SPRING1: variants seen among roughly 807,000 people sequenced by gnomAD.
The protein encoded by SPRING1 is SREBF pathway regulator in golgi 1, also known as SREBP regulating gene protein.
Under a neutral mutation model 24.7 loss-of-function variants are expected in SPRING1, and 14 were observed. The observed-to-expected ratio is 0.57, with a 90% confidence interval of 0.37 to 0.88. The LOEUF (loss-of-function observed/expected upper bound fraction) is 0.88, where lower values mean the gene tolerates loss of function less well. SPRING1 is among the 40% of genes least tolerant of loss of function. The pLI, the probability that SPRING1 is intolerant of heterozygous loss-of-function variation, is 0.00. For synonymous variants in SPRING1, 93 were observed against 106.1 expected (o/e 0.88, Z 0.76); for missense variants, 255 against 268.4 (o/e 0.95, Z 0.35).
rs895628668 is a variant in SPRING1, at chr12:116,737,941, G to C, written c.-41C>G. The C allele has an allele frequency of 5.8e-6, 8 of 1,384,314 alleles. No individual in the cohort carries two copies. Among genetic ancestry groups the C allele is most frequent in the Non-Finnish European group, 7.5e-6 (8 of 1,067,678 alleles). 85.8% of individuals were successfully genotyped at this position (1,384,314 alleles called of 1,614,324 possible). On this transcript the variant is annotated 5_prime_UTR_variant, in exon 1 of 5. Transcript: ENST00000261318. ...GGGCGCGGCGGCCGGGGCGCGGAACGCGGCAGGCCCGGGTCCCGGGCGGCA... is the reference window on the plus strand; with the variant it reads ...GGGCGCGGCGGCCGGGGCGCGGAACCCGGCAGGCCCGGGTCCCGGGCGGCA...
At chr12:116,722,265 T>A (rs1870472199) in intron 2 of SPRING1, among the ~76,000 whole-genome samples, 1 of 152,214 alleles carries the variant, frequency 6.6e-6, no homozygotes. Context: ...ACTCCTGGAA[T>A]TTTTTACTCA....
intron 1 of SPRING1, among the ~76,000 whole-genome samples, chr12:116,737,038 G>A (rs1484370100): frequency 1.3e-5 from 2 of 152,200 alleles, no homozygotes; most frequent in Non-Finnish European, 2.9e-5. Context: ...GATGAAGCCA[G>A]CAAATGCACG....
intron 1 of SPRING1, among the ~76,000 whole-genome samples, chr12:116,725,803 A>T (rs371697080): frequency 6.6e-6 from 1 of 151,944 alleles, no homozygotes; most frequent in Non-Finnish European, 1.5e-5. Context: ...GGAGAATGGC[A>T]TGAACCCGGG....
intron 3 of SPRING1, 42 bp from the exon 4 acceptor site, chr12:116,719,918 C>G (rs770571265): frequency 6.5e-7 from 1 of 1,540,040 alleles, no homozygotes; most frequent in South Asian, 1.1e-5. Context: ...ATTACCTAAG[C>G]CAGCACAAGG....
Position 116,738,059 on chromosome 12 carries a change from C to T in SPRING1, c.-159G>A. The T allele has an allele frequency of 9.3e-7, 1 of 1,079,104 alleles. No homozygotes were observed. Among genetic ancestry groups the T allele is most frequent in the Non-Finnish European group, 1.1e-6 (1 of 892,140 alleles). 66.8% of individuals were successfully genotyped at this position (1,079,104 alleles called of 1,614,324 possible). On this transcript the variant is annotated 5_prime_UTR_variant, in exon 1 of 5. Coordinates refer to ENST00000261318, the MANE Select transcript of SPRING1 (RefSeq NM_024738.4). ...CTGCTCCCGGCAGCCTTGGGCGCAG[C>T]CCCACGTGACCCCGCCCTACGCCCC... is the stretch of plus-strand genomic sequence containing the variant.
rs1490092709 is a variant in SPRING1 at position 116,713,928 on chromosome 12, T to C, written c.*3882A>G. The C allele has an allele frequency of 6.6e-6, 1 of 152,188 alleles. No homozygotes were observed. The highest frequency in any genetic ancestry group is 1.5e-5 in the Non-Finnish European group (1 of 68,036). 9.4% of individuals were successfully genotyped at this position (152,188 alleles called of 1,614,324 possible). A position where few individuals can be genotyped will look rare whatever the true frequency, so the allele number is the denominator to read the frequency against. On this transcript the variant is annotated 3_prime_UTR_variant, in exon 5 of 5. Coordinates refer to ENST00000261318, the MANE Select transcript of SPRING1 (RefSeq NM_024738.4). ...ACGTGCTCCTGAATTATCTGAAATATCGTATCTTTAAAAACAGTAACAACA... is the reference window on the plus strand; with the variant it reads ...ACGTGCTCCTGAATTATCTGAAATACCGTATCTTTAAAAACAGTAACAACA...
rs1429941288 is a variant in SPRING1, at chr12:116,719,798, C to CA, written c.498dup (p.Glu167Ter). 3 of 1,614,178 alleles carry CA rather than the reference C, an allele frequency of 1.9e-6. No homozygotes were observed. The highest frequency in any genetic ancestry group is 1.7e-6 in the Non-Finnish European group (2 of 1,180,016). On this transcript the variant is annotated frameshift_variant, in exon 4 of 5. Coordinates refer to ENST00000261318, the MANE Select transcript of SPRING1 (RefSeq NM_024738.4). LOFTEE classifies it high-confidence loss of function. ...GTCCTGCATTTGGCCAGGCACAACTCAAAGTGATCTTCGACTGCCATGAAG... is the reference window on the plus strand; with the variant it reads ...GTCCTGCATTTGGCCAGGCACAACTCAAAAGTGATCTTCGACTGCCATGAAG...
Position 116,723,166 on chromosome 12 carries a change from T to C in SPRING1, c.169A>G (p.Ile57Val), listed in dbSNP as rs766014115. The part of the protein sequence containing the change: ...LLQVHDHNQP[I>V]PWKVQFNLGN... ...AAGTTAAACTGCACTTTCCACGGGATGGGCTGATTATGGTCATGAACCTGG... is the reference window on the plus strand; with the variant it reads ...AAGTTAAACTGCACTTTCCACGGGACGGGCTGATTATGGTCATGAACCTGG... Residue 57 changes from isoleucine (I) to valine (V), a missense_variant, in exon 2 of 5, where the codon ATC becomes GTC. Physicochemically the swap from Ile to Val is conservative, Grantham distance 29 (BLOSUM62 3). Coordinates refer to ENST00000261318, the MANE Select transcript of SPRING1 (RefSeq NM_024738.4). The C allele has an allele frequency of 1.9e-6, 3 of 1,613,904 alleles. No homozygotes were observed. The highest frequency in any genetic ancestry group is 1.3e-5 in the African/African-American group (1 of 74,940).
intron 1 of SPRING1, among the ~76,000 whole-genome samples, chr12:116,727,291 G>A (rs138522363): frequency 0.034 from 5,124 of 152,320 alleles, 100 homozygotes; most frequent in Non-Finnish European, 0.043. Context: ...ATATCAGTGC[G>A]ATCAGGCACT....
At chr12:116,737,653 G>C in intron 1 of SPRING1, 137 bp downstream of exon 1, 1 of 1,005,412 alleles carries the variant, frequency 9.9e-7, no homozygotes, top group South Asian at 2.6e-5. Context: ...AGGGGAGAAA[G>C]AAAGGAAGGG....
At chr12:116,733,079 G>C (rs765142702) in intron 1 of SPRING1, among the ~76,000 whole-genome samples, 9 of 152,196 alleles carry the variant, frequency 5.9e-5, no homozygotes, top group Non-Finnish European at 1.3e-4. Context: ...TGAAAAAAGC[G>C]TTTTAAGTGT....
intron 1 of SPRING1, among the ~76,000 whole-genome samples, chr12:116,733,797 C>T (rs1871107577): frequency 6.6e-6 from 1 of 152,214 alleles, no homozygotes; most frequent in Admixed American, 6.5e-5. Context: ...TCACTCACCA[C>T]TCACTCAGTG....
chr12:116,722,862 A>C (rs932981713), intron 2 of SPRING1, among the ~76,000 whole-genome samples: 2 of 152,260 alleles, frequency 1.3e-5, no homozygotes, highest in Non-Finnish European at 2.9e-5. Context: ...TTTAAGAGTT[A>C]GAGTTATCAA....
chr12:116,732,880 C>T (rs1202037824), intron 1 of SPRING1, among the ~76,000 whole-genome samples: 1 of 152,128 alleles, frequency 6.6e-6, no homozygotes. Flanking sequence ...AAACAGTAGC[C>T]CTAAGCACAA....
intron 1 of SPRING1, among the ~76,000 whole-genome samples, chr12:116,734,896 C>A (rs1484615568): frequency 6.6e-6 from 1 of 152,194 alleles, no homozygotes; most frequent in African/African-American, 2.4e-5. Flanking sequence ...GAGAATTTTA[C>A]CTGGGGAAAT....
intron 1 of SPRING1, among the ~76,000 whole-genome samples, chr12:116,732,503 T>A (rs1339046051): frequency 1.3e-5 from 2 of 151,838 alleles, no homozygotes; most frequent in African/African-American, 4.8e-5. Flanking sequence ...AGGTCAGGAG[T>A]TCGAGACCAG....
Position 116,720,910 on chromosome 12 carries a change from C to A in SPRING1, c.269-463G>T, listed in dbSNP as rs991153174. Among the ~76,000 whole-genome samples the A allele has an allele frequency of 2.0e-5, 3 of 152,216 alleles. No individual in the cohort carries two copies. Among genetic ancestry groups the A allele is most frequent in the African/African-American group, 4.8e-5 (2 of 41,460 alleles). On this transcript the variant is annotated intron_variant, in intron 2 of 4. Transcript: ENST00000261318. The surrounding 1 kb of genome is among the most constrained non-coding windows in gnomAD (Gnocchi z 4.0). ...CAAACAAACCACTCTTTACAAATAT[C>A]TTTCAGATGCTCGCTGCATACTGAC...
rs1174054366 is a variant in SPRING1 at position 116,712,634 on chromosome 12, A to G, written c.*5176T>C. On this transcript the variant is annotated 3_prime_UTR_variant, in exon 5 of 5. Coordinates refer to ENST00000261318, the MANE Select transcript of SPRING1 (RefSeq NM_024738.4). ...TTTTTAGTAGAATGACTAGTTTTCT[A>G]AACAGAACCTGTAATGACAGGCTCA... 6.6e-6 allele frequency: 1 copy of G among 152,166 alleles called. No individual in the cohort carries two copies. Among genetic ancestry groups the G allele is most frequent in the Non-Finnish European group, 1.5e-5 (1 of 68,040 alleles). The allele number at this position is 152,166 out of a possible 1,614,324, so 9.4% of individuals were successfully genotyped here.
chr12:116,724,276 A>C (rs1870577323), intron 1 of SPRING1, among the ~76,000 whole-genome samples: 1 of 152,244 alleles, frequency 6.6e-6, no homozygotes, highest in African/African-American at 2.4e-5. Context: ...TTATCTAGGA[A>C]AGTAATCTAG....
Sources: allele counts gnomAD v4.1 joint callset (sites outside exome capture counted in the v4.1 genomes callset), GRCh38; gene constraint gnomAD v4.1.1; non-coding constraint Gnocchi (gnomAD v3.1); transcripts MANE v1.5; gene names NCBI Gene and HGNC (gene_info 2026-07-23, HGNC 2026-07-21).